Variants in SIPA1L2 observed in about 807,000 individuals in gnomAD.
The protein encoded by SIPA1L2 is signal induced proliferation associated 1 like 2.
A neutral mutation model predicts 163.9 loss-of-function variants in SIPA1L2; 56 were observed. The observed-to-expected ratio is 0.34, with a 90% CI of 0.28 to 0.43. SIPA1L2 has a LOEUF of 0.43. Ranked by LOEUF, SIPA1L2 falls within the 20% of genes least tolerant of loss-of-function variation. SIPA1L2 has a pLI of 1.00. For synonymous variants in SIPA1L2, 877 were observed against 865.7 expected (o/e 1.01, Z -0.23); for missense variants, 1,974 against 2,193.5 (o/e 0.90, Z 2.00).
intron 1 of SIPA1L2, among the ~76,000 whole-genome samples, chr1:232,618,104 T>C (rs764880149): frequency 2.8e-4 from 42 of 152,172 alleles, no homozygotes; most frequent in Non-Finnish European, 4.9e-4. Context: ...CAAATTTGCA[T>C]GATAAAACGT....
chr1:232,512,345 T>C (rs1667017424), intron 3 of SIPA1L2, among the ~76,000 whole-genome samples: 1 of 152,154 alleles, frequency 6.6e-6, no homozygotes, highest in African/African-American at 2.4e-5. Context: ...AGAAATACCA[T>C]TTGACCCAGC....
chr1:232,449,485 T>A (rs1382660751), intron 10 of SIPA1L2, among the ~76,000 whole-genome samples: 1 of 135,142 alleles, frequency 7.4e-6, no homozygotes, highest in Non-Finnish European at 1.5e-5. Flanking sequence ...GCCACTGCAG[T>A]CCGGCCTAGG....
intron 10 of SIPA1L2, among the ~76,000 whole-genome samples, chr1:232,450,323 A>G (rs892334443): frequency 2.0e-5 from 3 of 152,290 alleles, no homozygotes; most frequent in South Asian, 2.1e-4. Flanking sequence ...ATGGATTTAT[A>G]TTGCTTCCAA....
At chr1:232,450,815 G>T (rs2102888632) in intron 10 of SIPA1L2, among the ~76,000 whole-genome samples, 1 of 152,266 alleles carries the variant, frequency 6.6e-6, no homozygotes, top group Non-Finnish European at 1.5e-5. Flanking sequence ...TTGAGGCTTG[G>T]AAAGAAACAT....
At chr1:232,629,704 G>C (rs1234252108) in intron 1 of SIPA1L2, among the ~76,000 whole-genome samples, 165 bp downstream of exon 1, 1 of 152,048 alleles carries the variant, frequency 6.6e-6, no homozygotes, top group Non-Finnish European at 1.5e-5. Flanking sequence ...GCCGGACCCT[G>C]CGCCGCGACC....
chr1:232,573,826 CGT>C (rs1659937400), intron 2 of SIPA1L2, among the ~76,000 whole-genome samples: 1 of 152,144 alleles, frequency 6.6e-6, no homozygotes, highest in African/African-American at 2.4e-5. Context: ...AACATGCTCA[CGT>C]GTTGTACCTC....
chr1:232,574,183 G>GA lies in SIPA1L2; in HGVS notation c.-280dup, dbSNP rs2102785934. On this transcript the variant is annotated 5_prime_UTR_variant, in exon 2 of 23. Transcript: ENST00000674635. ...TTGCTTGCAGGCTTACCTGAGTGGG[G>GA]AAGAGCAGCGGGCTCCTGCTCACAC... Among the ~76,000 whole-genome samples, 1 of 152,296 alleles carries GA rather than the reference G, an allele frequency of 6.6e-6. No individual in the cohort carries two copies. The highest frequency in any genetic ancestry group is 1.5e-5 in the Non-Finnish European group (1 of 68,014).
chr1:232,620,912 T>C (rs1182626521), intron 1 of SIPA1L2, among the ~76,000 whole-genome samples: 1 of 152,262 alleles, frequency 6.6e-6, no homozygotes, highest in East Asian at 1.9e-4. Context: ...TAAGCACTTA[T>C]TCTTTGGGTG....
At chr1:232,421,636 A>C (rs987631641) in intron 18 of SIPA1L2, among the ~76,000 whole-genome samples, 2 of 152,176 alleles carry the variant, frequency 1.3e-5, no homozygotes, top group African/African-American at 2.4e-5. Context: ...ACCCTTGGCA[A>C]AGATTCTTCC....
intron 1 of SIPA1L2, among the ~76,000 whole-genome samples, chr1:232,600,196 T>G (rs2102852240): frequency 6.6e-6 from 1 of 152,322 alleles, no homozygotes; most frequent in East Asian, 1.9e-4. Flanking sequence ...CAAGTTTGCT[T>G]TTTCAAATGA....
At chr1:232,535,602 T>C (rs1191056789) in intron 2 of SIPA1L2, among the ~76,000 whole-genome samples, 2 of 152,206 alleles carry the variant, frequency 1.3e-5, no homozygotes, top group South Asian at 4.1e-4. Context: ...GCCAAGTCAT[T>C]ATTAATATTA....
chr1:232,555,820 A>G (rs559549794), intron 2 of SIPA1L2, among the ~76,000 whole-genome samples: 37 of 152,310 alleles, frequency 2.4e-4, no homozygotes, highest in African/African-American at 8.9e-4. Context: ...TTCTAAACAA[A>G]ACTATTCTGC....
chr1:232,427,631 C>G (rs1435000859), intron 17 of SIPA1L2, among the ~76,000 whole-genome samples: 1 of 149,948 alleles, frequency 6.7e-6, no homozygotes, highest in African/African-American at 2.5e-5. Context: ...CCTTTAAGTC[C>G]TTTTCAGTAC....
chr1:232,470,494 G>C (rs1007837233), intron 8 of SIPA1L2, among the ~76,000 whole-genome samples: 1 of 152,190 alleles, frequency 6.6e-6, no homozygotes, highest in Non-Finnish European at 1.5e-5. Flanking sequence ...TGTGCCTTTA[G>C]GAAGCAAGCT....
At chr1:232,473,466 A>C (rs931596874) in intron 7 of SIPA1L2, among the ~76,000 whole-genome samples, 2 of 150,970 alleles carry the variant, frequency 1.3e-5, no homozygotes, top group African/African-American at 4.8e-5. Flanking sequence ...CATTAAACAC[A>C]GGGTGCAGGG....
chr1:232,442,864 A>C (rs1253630708), intron 12 of SIPA1L2, among the ~76,000 whole-genome samples: 4 of 152,234 alleles, frequency 2.6e-5, no homozygotes, highest in African/African-American at 9.6e-5. Flanking sequence ...ATCTAAGGGA[A>C]GGAAAACATA....
intron 9 of SIPA1L2, chr1:232,462,385 G>C: frequency 6.7e-7 from 1 of 1,483,756 alleles, no homozygotes; most frequent in Non-Finnish European, 8.9e-7. Context: ...TGACTACATA[G>C]ATACCTATTT....
intron 19 of SIPA1L2, among the ~76,000 whole-genome samples, chr1:232,408,423 T>C (rs1660766107): frequency 6.6e-6 from 1 of 152,160 alleles, no homozygotes; most frequent in Non-Finnish European, 1.5e-5. Context: ...TTCTCAGGAA[T>C]TAGATTTCTG....
chr1:232,629,793 G>C (rs1184564604), intron 1 of SIPA1L2, among the ~76,000 whole-genome samples, 76 bp downstream of exon 1: 1 of 151,668 alleles, frequency 6.6e-6, no homozygotes, highest in African/African-American at 2.4e-5. Context: ...CTTCCCCTTC[G>C]GGACAGTCCC....
Sources: allele counts gnomAD v4.1 joint callset (sites outside exome capture counted in the v4.1 genomes callset), GRCh38; gene constraint gnomAD v4.1.1; transcripts MANE v1.5; gene names NCBI Gene and HGNC (gene_info 2026-07-23, HGNC 2026-07-21).